Variants in SYT9 observed in about 807,000 individuals in gnomAD.
SYT9 encodes the protein synaptotagmin 9, also known as synaptotagmin-9.
A neutral mutation model predicts 48.4 loss-of-function variants in SYT9; 22 were observed. The observed-to-expected ratio is 0.45, with a 90% CI of 0.32 to 0.65. The LOEUF is 0.65. Ranked by LOEUF, SYT9 falls within the 30% of genes least tolerant of loss-of-function variation. The pLI is 0.03. For synonymous variants in SYT9, 265 were observed against 245.0 expected, an observed-to-expected ratio of 1.08 and a Z score of -0.76; for missense variants, 577 against 622.0, an observed-to-expected ratio of 0.93 and a Z score of 0.77.
chr11:7,333,271 A>G (rs1012875746), intron 3 of SYT9, among the ~76,000 whole-genome samples: 1 of 152,152 alleles, frequency 6.6e-6, no homozygotes. Context: ...CCATATTTGC[A>G]ATCTTTATCT....
intron 1 of SYT9, among the ~76,000 whole-genome samples, chr11:7,239,906 C>G (rs1847723570): frequency 6.6e-6 from 1 of 152,086 alleles, no homozygotes; most frequent in Non-Finnish European, 1.5e-5. Context: ...TGAATAGTTG[C>G]ACATAGACAG....
At chr11:7,269,742 C>T (rs1848260698) in intron 1 of SYT9, among the ~76,000 whole-genome samples, 1 of 152,166 alleles carries the variant, frequency 6.6e-6, no homozygotes, top group Non-Finnish European at 1.5e-5. Flanking sequence ...GTCATATTGC[C>T]ATCCCTAGCT....
intron 6 of SYT9, among the ~76,000 whole-genome samples, chr11:7,431,936 A>G (rs1847581575): frequency 6.6e-6 from 1 of 152,240 alleles, no homozygotes; most frequent in Admixed American, 6.5e-5. Flanking sequence ...GCCCTCCCAG[A>G]GAACCTCTAC....
intron 6 of SYT9, among the ~76,000 whole-genome samples, chr11:7,445,147 G>A (rs1847903452): frequency 6.6e-6 from 1 of 152,232 alleles, no homozygotes; most frequent in South Asian, 2.1e-4. Flanking sequence ...TCACAGAGCT[G>A]TGTGAGACTT....
chr11:7,375,050 A>G (rs578155864), intron 3 of SYT9, among the ~76,000 whole-genome samples: 5 of 152,180 alleles, frequency 3.3e-5, no homozygotes, highest in Non-Finnish European at 5.9e-5. Context: ...TTATGGTTTT[A>G]GGTCTTACGT....
At chr11:7,286,011 T>G (rs1205873968) in intron 1 of SYT9, among the ~76,000 whole-genome samples, 1 of 152,196 alleles carries the variant, frequency 6.6e-6, no homozygotes, top group Admixed American at 6.5e-5. Context: ...CCTGTGGCTT[T>G]TCCAGGCACA....
At chr11:7,248,293 GT>G (rs796104501), upstream of SYT9, among the ~76,000 whole-genome samples, 2,596 of 147,764 alleles carry the variant, frequency 0.018, 68 homozygotes, top group African/African-American at 0.06. Flanking sequence ...TTACTCTGCT[GT>G]TTTTTTTTTC....
chr11:7,325,066 C>A (rs1444578256), intron 3 of SYT9, among the ~76,000 whole-genome samples: 1 of 152,146 alleles, frequency 6.6e-6, no homozygotes, highest in East Asian at 1.9e-4. Context: ...TTTAGTGTCT[C>A]TATATAGAGA....
At chr11:7,297,425 A>G (rs536410142) in intron 1 of SYT9, among the ~76,000 whole-genome samples, 2 of 152,334 alleles carry the variant, frequency 1.3e-5, no homozygotes, top group Non-Finnish European at 2.9e-5. Flanking sequence ...ATGTATTTAG[A>G]ACACATAACC....
At chr11:7,309,006 G>T (rs1371611392) in intron 2 of SYT9, among the ~76,000 whole-genome samples, 1 of 152,186 alleles carries the variant, frequency 6.6e-6, no homozygotes. Context: ...ACAAGACTCA[G>T]GTTTCTCCAG....
chr11:7,409,790 C>CT (rs1292402818), intron 3 of SYT9, among the ~76,000 whole-genome samples: 2 of 151,496 alleles, frequency 1.3e-5, no homozygotes, highest in African/African-American at 2.4e-5. Flanking sequence ...TTTTGTTTAT[C>CT]TTTTTTTTGA....
At chr11:7,365,443 T>C (rs980113657) in intron 3 of SYT9, among the ~76,000 whole-genome samples, 1 of 152,188 alleles carries the variant, frequency 6.6e-6, no homozygotes, top group Non-Finnish European at 1.5e-5. Flanking sequence ...GGTTCTGATA[T>C]CGTGTGCATT....
intron 1 of SYT9, among the ~76,000 whole-genome samples, chr11:7,239,924 C>T (rs971906988): frequency 6.6e-6 from 1 of 152,138 alleles, no homozygotes; most frequent in Admixed American, 6.6e-5. Flanking sequence ...CAGATTAATA[C>T]ATGAATTTGA....
rs999750640 is a variant in SYT9, at chr11:7,409,127, T to C, written c.1045-6915T>C. On this transcript the variant is annotated intron_variant, in intron 3 of 6. Transcript: ENST00000318881. ...TATCATGAAGGGATGGTGTATTTTA[T>C]CAAATGCTTTTTCTGCATCTATTGA... Among the ~76,000 whole-genome samples the C allele has an allele frequency of 3.3e-5, 5 of 152,374 alleles. 1 individual carries two copies. Among genetic ancestry groups the C allele is most frequent in the Admixed American group, 1.3e-4 (2 of 15,308 alleles).
intron 3 of SYT9, among the ~76,000 whole-genome samples, chr11:7,364,051 T>G (rs765341): frequency 0.15 from 22,273 of 152,140 alleles, 1,923 homozygotes; most frequent in South Asian, 0.23. Flanking sequence ...TGTTTAAATA[T>G]TAATACAGAG....
chr11:7,258,167 C>G (rs1848010033), intron 1 of SYT9, among the ~76,000 whole-genome samples: 1 of 152,196 alleles, frequency 6.6e-6, no homozygotes, highest in African/African-American at 2.4e-5. Flanking sequence ...TTCATAATCT[C>G]TTCCTAACAG....
At chr11:7,247,622 TA>T (rs1380852638), upstream of SYT9, among the ~76,000 whole-genome samples, 1 of 147,420 alleles carries the variant, frequency 6.8e-6, no homozygotes, top group African/African-American at 2.5e-5. Flanking sequence ...TATACGTGTA[TA>T]TATACGTGTA....
At chr11:7,289,282 T>C (rs1363857092) in intron 1 of SYT9, among the ~76,000 whole-genome samples, 2 of 152,140 alleles carry the variant, frequency 1.3e-5, no homozygotes, top group Non-Finnish European at 2.9e-5. Flanking sequence ...TGGTTTATCA[T>C]AGAAACAGAA....
rs141401347 is a variant in SYT9 at position 7,416,869 on chromosome 11, G to T, written c.1165+707G>T. Reference sequence around the variant, plus strand: ...ACACACTGATAAAGCTTATCTAATTGGGTCTTTCCTCAAATATCATCATCC... The same window carrying T: ...ACACACTGATAAAGCTTATCTAATTTGGTCTTTCCTCAAATATCATCATCC... On this transcript the variant is annotated intron_variant, in intron 4 of 6. Coordinates refer to ENST00000318881, the MANE Select transcript of SYT9 (RefSeq NM_175733.4). Among the ~76,000 whole-genome samples, 184 of 152,138 alleles carry T rather than the reference G, an allele frequency of 1.2e-3. 1 individual carries two copies. The highest frequency in any genetic ancestry group is 4.4e-3 in the African/African-American group (182 of 41,482).
Sources: gnomAD v4.1 joint callset for allele counts (sites outside exome capture counted in the v4.1 genomes callset) on GRCh38, gnomAD v4.1.1 for gene constraint, MANE v1.5 for transcripts, NCBI Gene and HGNC (gene_info 2026-07-23, HGNC 2026-07-21) for gene names.